FKBP11: variants seen among roughly 807,000 people sequenced by gnomAD.
The protein encoded by FKBP11 is FKBP prolyl isomerase 11.
A neutral mutation model predicts 24.7 loss-of-function variants in FKBP11; 21 were observed. That is an observed-to-expected ratio of 0.85 (90% CI 0.60 to 1.23). The LOEUF is 1.23. Among genes scored for constraint, FKBP11 ranks in the 50% most tolerant of loss-of-function variants. The probability of loss-of-function intolerance (pLI) is 0.00; values close to 1 mark genes in which losing one functional copy is unlikely to be tolerated. For synonymous variants in FKBP11, 106 were observed against 100.6 expected (o/e 1.05, Z -0.32); for missense variants, 245 against 248.7 (o/e 0.99, Z 0.10).
At chr12:48,934,526 C>T in the FKBP11 span, among the ~76,000 whole-genome samples, 20 of 152,340 alleles carry the variant, frequency 1.3e-4, no homozygotes, top group Admixed American at 3.3e-4. Flanking sequence ...GCAACTGCCA[C>T]AAGAGGGCTC....
Position 48,925,337 on chromosome 12 carries a change from G to A in FKBP11, c.92C>T (p.Thr31Ile), listed in dbSNP as rs562914452. 32 of 1,610,502 alleles carry A rather than the reference G, an allele frequency of 2.0e-5. No individual in the cohort carries two copies. The East Asian group carries it at 6.7e-4, about 34-fold the overall frequency. Residue 31 changes from threonine (T) to isoleucine (I), a missense_variant, in exon 1 of 6, where the codon ACC becomes ATC. Thr to Ile is a moderately conservative substitution (Grantham distance 89, BLOSUM62 -1). Transcript: ENST00000550765. ...AVCRAEAGLE[T>I]ESPVRTLQVE... is the part of the protein sequence containing the mutation. The stretch of plus-strand genomic sequence containing the variant: ...TTGGAGGGTCCGGACGGGACTTTCG[G>A]TTTCGAGCCCAGCCTCAGCCCGGCA...
At chr12:48,936,547 G>C in the FKBP11 span, 1 of 152,672 alleles carries the variant, frequency 6.5e-6, no homozygotes. Flanking sequence ...TTAGCAGCCA[G>C]GGATACTACC....
At chr12:48,924,825 C>T in intron 2 of FKBP11, 177 bp from the exon 3 acceptor site, 1 of 1,447,160 alleles carries the variant, frequency 6.9e-7, no homozygotes, top group Non-Finnish European at 9.0e-7. Flanking sequence ...GGAGATCTCT[C>T]CACCCTGCAC....
At chr12:48,938,166 AG>A in the FKBP11 span, 1 of 346,040 alleles carries the variant, frequency 2.9e-6, no homozygotes, top group East Asian at 7.5e-5. Flanking sequence ...AGTCATCTAG[AG>A]ATAAATGCCA....
At chr12:48,929,442 T>G (rs1173916159), upstream of FKBP11, among the ~76,000 whole-genome samples, 1 of 152,010 alleles carries the variant, frequency 6.6e-6, no homozygotes, top group Non-Finnish European at 1.5e-5. Flanking sequence ...AGACCTTGTC[T>G]CAAAAAATAA....
At chr12:48,924,808 G>A (rs1939921245) in intron 2 of FKBP11, 160 bp from the exon 3 acceptor site, 2 of 1,453,544 alleles carry the variant, frequency 1.4e-6, no homozygotes, top group East Asian at 2.5e-5. Context: ...GAAGGCTGGC[G>A]CTTCTCGGAG....
At chr12:48,936,146 C>T in the FKBP11 span, 1 of 152,488 alleles carries the variant, frequency 6.6e-6, no homozygotes, top group Non-Finnish European at 1.5e-5. Flanking sequence ...ACAGGACTCC[C>T]CTCACCATGA....
Position 48,923,844 on chromosome 12 carries a change from C to G in FKBP11, c.326G>C (p.Arg109Pro), listed in dbSNP as rs1031792293. The change falls in exon 5 of 6, where the codon CGA becomes CCA. Residue 109 changes from arginine to proline, a missense_variant. Coordinates refer to ENST00000550765, the MANE Select transcript of FKBP11 (RefSeq NM_016594.3). ...CAAGTGAGAAGGAATGATTGCCCTT[C>G]GCTTCTCTCTGAGGGAAGGAATGTC... ...SLLDMCVGEK[R>P]RAIIPSHLAY... 9 of 1,614,002 alleles carry G rather than the reference C, an allele frequency of 5.6e-6. No homozygotes were observed. The highest frequency in any genetic ancestry group is 7.6e-6 in the Non-Finnish European group (9 of 1,179,984).
Position 48,922,076 on chromosome 12 carries a change from T to C in FKBP11, c.514A>G (p.Ile172Val), listed in dbSNP as rs750129227. The C allele has an allele frequency of 3.1e-6, 5 of 1,614,196 alleles. No individual in the cohort carries two copies. The highest frequency in any genetic ancestry group is 4.2e-6 in the Non-Finnish European group (5 of 1,180,024). The change falls in exon 6 of 6, where the codon ATT (isoleucine) becomes GTT (valine). Residue 172 changes from isoleucine (I) to valine (V), a missense_variant. Ile to Val is a conservative substitution (Grantham distance 29). Transcript: ENST00000550765. Reference protein sequence around the residue: ...MAMVPALLGLIGYHLYRKANR... With the variant: ...MAMVPALLGLVGYHLYRKANR... ...GCCTTTCTGTATAGGTGATACCCAA[T>C]GAGGCCCAGGAGGGCTGGCACCATG... is the stretch of plus-strand genomic sequence containing the variant.
chr12:48,923,774 C>A lies in FKBP11; in HGVS notation c.388+8G>T. The A allele has an allele frequency of 1.2e-6, 2 of 1,613,326 alleles. No individual in the cohort carries two copies. Among genetic ancestry groups the A allele is most frequent in the East Asian group, 2.2e-5 (1 of 44,884 alleles). On this transcript the variant is annotated splice_region_variant and intron_variant, in intron 5 of 5. Transcript: ENST00000550765. ...TGATGGCCTGAGAGAGAGTCCTAGT[C>A]AGATTACCTGGGACAGATGGTGGAA... is the stretch of plus-strand genomic sequence containing the variant.
the FKBP11 span, among the ~76,000 whole-genome samples, chr12:48,932,018 CA>C: frequency 2.0e-5 from 3 of 151,476 alleles, no homozygotes; most frequent in African/African-American, 7.3e-5. Context: ...TAATTAAAAA[CA>C]TTTTTTTTTG....
the FKBP11 span, chr12:48,931,486 C>T: frequency 6.5e-7 from 1 of 1,534,662 alleles, no homozygotes; most frequent in Non-Finnish European, 8.7e-7. Context: ...AGAAGAAATC[C>T]AAACAACAGA....
chr12:48,921,976 ATTAT>A lies in FKBP11; in HGVS notation c.*4_*7del, dbSNP rs779711064. ...AATGCAAATAAGTTTTTTAAAATTT[ATTAT>A]TTATTATTTCTTTTTGCTCTTGTTT... On this transcript the variant is annotated 3_prime_UTR_variant, in exon 6 of 6. Transcript: ENST00000550765. 5.1e-6 allele frequency: 8 copies of A among 1,558,720 alleles called. No homozygotes were observed. Among genetic ancestry groups the A allele is most frequent in the African/African-American group, 2.8e-5 (2 of 71,708 alleles).
upstream of FKBP11, among the ~76,000 whole-genome samples, chr12:48,929,889 C>G (rs1199555996): frequency 6.6e-6 from 1 of 152,212 alleles, no homozygotes; most frequent in Non-Finnish European, 1.5e-5. Context: ...CCAGGCTAAG[C>G]TCAAATATCA....
chr12:48,927,205 G>C (rs559968084), upstream of FKBP11, among the ~76,000 whole-genome samples: 1 of 152,238 alleles, frequency 6.6e-6, no homozygotes, highest in South Asian at 2.1e-4. Flanking sequence ...ACCAGCATTC[G>C]TTCTTCTCTC....
At chr12:48,931,115 C>G (rs1192412047), upstream of FKBP11, among the ~76,000 whole-genome samples, 2 of 111,354 alleles carry the variant, frequency 1.8e-5, no homozygotes, top group Non-Finnish European at 3.3e-5. Flanking sequence ...GGCGACAGAG[C>G]GAGACTCCAG....
upstream of FKBP11, chr12:48,926,566 GC>G: frequency 8.2e-6 from 1 of 121,938 alleles, no homozygotes; most frequent in South Asian, 2.5e-4. Context: ...TGCTCCTGTT[GC>G]CCAGGCTGGA....
chr12:48,932,936 G>A, the FKBP11 span, among the ~76,000 whole-genome samples: 2 of 152,176 alleles, frequency 1.3e-5, no homozygotes, highest in African/African-American at 4.8e-5. Flanking sequence ...TGCATAGATA[G>A]CCAGGGTTTT....
chr12:48,934,864 T>A, the FKBP11 span, among the ~76,000 whole-genome samples: 1 of 151,160 alleles, frequency 6.6e-6, no homozygotes, highest in African/African-American at 2.4e-5. Flanking sequence ...AATACAAAAT[T>A]AGCCGGGTGT....
Sources: allele counts gnomAD v4.1 joint callset (sites outside exome capture counted in the v4.1 genomes callset), GRCh38; gene constraint gnomAD v4.1.1; transcripts MANE v1.5; gene names NCBI Gene and HGNC (gene_info 2026-07-23, HGNC 2026-07-21).